The following CIMIP2A variants were observed in gnomAD, a reference collection of about 807,000 sequenced individuals.
CIMIP2A encodes the protein ciliary microtubule inner protein 2A, also known as family with sequence similarity 166 member A.
chr9:137,252,928 G>T, the CIMIP2A span: 1 of 1,600,790 alleles, frequency 6.2e-7, no homozygotes, highest in Non-Finnish European at 8.5e-7. Context: ...CCTTCTCGAT[G>T]AGCCGCTCCC....
the CIMIP2A span, chr9:137,251,883 C>T: frequency 1.2e-6 from 2 of 1,608,102 alleles, no homozygotes; most frequent in Non-Finnish European, 1.7e-6. Context: ...CACCCAGACC[C>T]TGAGGGAACT....
At chr9:137,244,202 G>T in the CIMIP2A span, 4 of 1,613,916 alleles carry the variant, frequency 2.5e-6, no homozygotes, top group South Asian at 3.3e-5. Flanking sequence ...AGGGGATCAG[G>T]CCTTGGCTGC....
the CIMIP2A span, chr9:137,244,455 G>T: frequency 6.6e-7 from 1 of 1,504,844 alleles, no homozygotes; most frequent in East Asian, 2.4e-5. Flanking sequence ...TGAGTGCAGG[G>T]ATCCAAGCAA....
chr9:137,245,329 C>T, the CIMIP2A span: 1 of 1,594,124 alleles, frequency 6.3e-7, no homozygotes, highest in Middle Eastern at 1.8e-4. Flanking sequence ...GGGGGCCTCG[C>T]AAACAGGAGT....
chr9:137,244,428 C>A, the CIMIP2A span: 1 of 1,528,052 alleles, frequency 6.5e-7, no homozygotes, highest in Non-Finnish European at 8.8e-7. Context: ...CATCCCCCTA[C>A]CCCCGACTCC....
chr9:137,249,726 C>T, the CIMIP2A span, among the ~76,000 whole-genome samples: 1 of 152,244 alleles, frequency 6.6e-6, no homozygotes. Context: ...CCTGGAGGTT[C>T]CCAGAGGGCG....
chr9:137,250,368 G>C, the CIMIP2A span: 1 of 152,292 alleles, frequency 6.6e-6, no homozygotes, highest in Non-Finnish European at 1.5e-5. Context: ...GCACAACCTG[G>C]GCAGGGGCCC....
chr9:137,253,273 C>T, the CIMIP2A span: 119 of 1,591,404 alleles, frequency 7.5e-5, no homozygotes, highest in Non-Finnish European at 5.4e-5. Context: ...CTGCTTGGCC[C>T]GGCCACCGAG....
At chr9:137,247,371 G>C in the CIMIP2A span, among the ~76,000 whole-genome samples, 1 of 152,272 alleles carries the variant, frequency 6.6e-6, no homozygotes, top group Non-Finnish European at 1.5e-5. Context: ...TCTGCCGGCT[G>C]CTGGCTGACC....
the CIMIP2A span, chr9:137,253,620 G>A: frequency 1.3e-6 from 1 of 771,470 alleles, no homozygotes; most frequent in Non-Finnish European, 1.9e-6. Flanking sequence ...TCTCTAGGGT[G>A]GCAGCCTGTG....
chr9:137,251,443 C>G, the CIMIP2A span: 2,104 of 1,435,942 alleles, frequency 1.5e-3, 1 homozygote, highest in Non-Finnish European at 1.8e-3. Flanking sequence ...TGGGAGTGGC[C>G]AGGGGGCTGA....
the CIMIP2A span, chr9:137,251,173 G>A: frequency 1.2e-6 from 1 of 835,532 alleles, no homozygotes; most frequent in Admixed American, 1.8e-5. Flanking sequence ...GCCCGGGGCA[G>A]CCCCTCCAGG....
At chr9:137,252,038 A>C in the CIMIP2A span, 2 of 1,612,874 alleles carry the variant, frequency 1.2e-6, no homozygotes, top group South Asian at 1.1e-5. Context: ...CTGACCTGGA[A>C]GTCCCCAGCC....
the CIMIP2A span, chr9:137,252,700 C>T: frequency 6.4e-7 from 1 of 1,553,538 alleles, no homozygotes; most frequent in African/African-American, 1.4e-5. Context: ...TCAGCCGGCC[C>T]GCCTTCCCCG....
At chr9:137,252,095 A>C in the CIMIP2A span, 1 of 1,612,446 alleles carries the variant, frequency 6.2e-7, no homozygotes, top group Non-Finnish European at 8.5e-7. Context: ...AGTCCTCCCC[A>C]CACCCCCACT....
At chr9:137,252,708 C>A in the CIMIP2A span, 1 of 1,552,936 alleles carries the variant, frequency 6.4e-7, no homozygotes, top group South Asian at 1.2e-5. Context: ...CCCGCCTTCC[C>A]CGCCTTCAGC....
At chr9:137,243,685 ACCATTAAAG>A in the CIMIP2A span, 1 of 1,614,062 alleles carries the variant, frequency 6.2e-7, no homozygotes, top group Non-Finnish European at 8.5e-7. Context: ...TACAGACACC[ACCATTAAAG>A]CATTTTCATA....
At chr9:137,244,453 G>T in the CIMIP2A span, 2 of 1,505,876 alleles carry the variant, frequency 1.3e-6, no homozygotes, top group Non-Finnish European at 1.8e-6. Context: ...CTTGAGTGCA[G>T]GGATCCAAGC....
chr9:137,244,127 C>T, the CIMIP2A span: 4 of 1,582,848 alleles, frequency 2.5e-6, no homozygotes, highest in East Asian at 4.5e-5. Flanking sequence ...TCCCTCCCCA[C>T]ATTGGCCGGG....
Sources: allele counts gnomAD v4.1 joint callset (sites outside exome capture counted in the v4.1 genomes callset), GRCh38; gene constraint gnomAD v4.1.1; transcripts MANE v1.5; gene names NCBI Gene and HGNC (gene_info 2026-07-23, HGNC 2026-07-21).